The following ZNF564 variants were observed in gnomAD, a reference collection of about 807,000 sequenced individuals.
ZNF564 encodes the protein zinc finger protein 564.
ZNF564 carries 5 observed loss-of-function variants against 10.5 expected under a neutral mutation model. The ratio of observed to expected loss-of-function variants is 0.48; its 90% CI spans 0.25 to 1.00. The LOEUF is 1.00. ZNF564 is among the 50% of genes least tolerant of loss of function. ZNF564 has a pLI of 0.16. For missense variants in ZNF564, 603 were observed against 669.7 expected (o/e 0.90, Z 1.10); for synonymous variants, 242 against 218.1 (o/e 1.11, Z -0.97).
intron 1 of ZNF564, among the ~76,000 whole-genome samples, chr19:12,540,137 G>C (rs541668220): frequency 6.6e-6 from 1 of 152,232 alleles, no homozygotes; most frequent in African/African-American, 2.4e-5. Context: ...GAAAAGCAAG[G>C]AAATTATCTT....
intron 1 of ZNF564, among the ~76,000 whole-genome samples, chr19:12,542,201 C>G (rs924968481): frequency 1.4e-5 from 2 of 142,216 alleles, no homozygotes; most frequent in Non-Finnish European, 3.0e-5. Context: ...CCCAGCTACT[C>G]GGGAGGCTGA....
At chr19:12,537,813 T>A (rs1440050446) in intron 1 of ZNF564, among the ~76,000 whole-genome samples, 1 of 152,180 alleles carries the variant, frequency 6.6e-6, no homozygotes, top group Non-Finnish European at 1.5e-5. Flanking sequence ...AGTGACAATG[T>A]ATAAAAATAA....
At chr19:12,530,126 G>C (rs2021773235) in intron 1 of ZNF564, 1 of 152,322 alleles carries the variant, frequency 6.6e-6, no homozygotes, top group South Asian at 2.1e-4. Flanking sequence ...TGAGAGGCCA[G>C]AAGGCCCGTA....
chr19:12,551,150 T>A (rs2022250658), intron 1 of ZNF564, among the ~76,000 whole-genome samples, 180 bp downstream of exon 1: 2 of 152,076 alleles, frequency 1.3e-5, no homozygotes, highest in Non-Finnish European at 2.9e-5. Flanking sequence ...ACGCCTGGGG[T>A]ACTGGCTACG....
intron 1 of ZNF564, chr19:12,548,685 ATCCC>A: frequency 1.5e-6 from 1 of 654,208 alleles, no homozygotes; most frequent in South Asian, 1.7e-5. Flanking sequence ...ACATTTATCT[ATCCC>A]TTTCAGACAA....
chr19:12,528,559 G>A lies in ZNF564; in HGVS notation c.130+11C>T. Reference sequence around the variant, plus strand: ...CTAACTGACTAAAAGAAGGAATGATGTCATCCTTACCTACACAGGCCAGGT... The same window carrying A: ...CTAACTGACTAAAAGAAGGAATGATATCATCCTTACCTACACAGGCCAGGT... On this transcript the variant is annotated intron_variant, in intron 2 of 3. Coordinates refer to ENST00000339282, the MANE Select transcript of ZNF564 (RefSeq NM_144976.4). 1 of 1,610,732 alleles carries A rather than the reference G, an allele frequency of 6.2e-7. No homozygotes were observed. The highest frequency in any genetic ancestry group is 2.2e-5 in the East Asian group (1 of 44,856).
In ZNF564 at chr19:12,527,434, T is replaced by C. The variant is rs370155323; in HGVS notation, c.674A>G (p.Tyr225Cys). 1.1e-5 allele frequency: 17 copies of C among 1,614,022 alleles called. No individual in the cohort carries two copies. The highest frequency in any genetic ancestry group is 2.7e-5 in the African/African-American group (2 of 74,940). The change falls in exon 4 of 4, where the codon TAT (tyrosine) becomes TGT (cysteine). Residue 225 changes from tyrosine to cysteine, a missense_variant. By Grantham distance (194) the Tyr-to-Cys change is radical (BLOSUM62 -2). Transcript: ENST00000339282. Reference sequence around the variant, plus strand: ...AGCTTTTGCACATTCCTGACATTCATAGGGTTTCTCTCCAGTGTGAGTTCT... The same window carrying C: ...AGCTTTTGCACATTCCTGACATTCACAGGGTTTCTCTCCAGTGTGAGTTCT... ...HERTHTGEKPYECQECAKAFI... is the reference protein window; with the variant it reads ...HERTHTGEKPCECQECAKAFI...
chr19:12,529,554 T>C (rs754258376), intron 1 of ZNF564, among the ~76,000 whole-genome samples: 1 of 150,460 alleles, frequency 6.6e-6, no homozygotes. Flanking sequence ...TGCAGTGAGC[T>C]GAGATCATGC....
At chr19:12,531,282 T>C (rs1489811482) in intron 1 of ZNF564, among the ~76,000 whole-genome samples, 1 of 152,022 alleles carries the variant, frequency 6.6e-6, no homozygotes, top group East Asian at 1.9e-4. Flanking sequence ...GTGGCTCATG[T>C]CTGTAATCCC....
intron 1 of ZNF564, among the ~76,000 whole-genome samples, chr19:12,529,568 T>C (rs1413889113): frequency 6.6e-6 from 1 of 151,062 alleles, no homozygotes; most frequent in East Asian, 1.9e-4. Flanking sequence ...ATCATGCCAT[T>C]GCACTCCAGC....
In ZNF564 at chr19:12,526,837, T is replaced by G. The variant is rs1250853942; in HGVS notation, c.1271A>C (p.Gln424Pro). ...AGAAATGAAGGCTTTCCCACATACC[T>G]GACATTCATAGGGTTTCTCTCCAGT... ...THTGEKPYEC[Q>P]VCGKAFISLK... The change falls in exon 4 of 4, where the codon CAG (glutamine) becomes CCG (proline). Residue 424 changes from glutamine (Q) to proline (P), a missense_variant. Physicochemically the swap from Gln to Pro is moderately conservative, Grantham distance 76 (BLOSUM62 -1). Coordinates refer to ENST00000339282, the MANE Select transcript of ZNF564 (RefSeq NM_144976.4). 6.2e-7 allele frequency: 1 copy of G among 1,614,022 alleles called. No homozygotes were observed. The highest frequency in any genetic ancestry group is 8.5e-7 in the Non-Finnish European group (1 of 1,180,018).
chr19:12,536,780 C>T (rs2021924082), intron 1 of ZNF564, among the ~76,000 whole-genome samples: 1 of 152,128 alleles, frequency 6.6e-6, no homozygotes. Context: ...TGAGCCATCA[C>T]ATCCAGCCCT....
At chr19:12,536,087 T>G (rs948207319) in intron 1 of ZNF564, among the ~76,000 whole-genome samples, 22 of 152,148 alleles carry the variant, frequency 1.4e-4, no homozygotes, top group Admixed American at 2.6e-4. Context: ...TGATCAATTT[T>G]TCTGTAAACT....
Position 12,528,330 on chromosome 19 carries a change from C to T in ZNF564, c.165G>A (p.Trp55Ter). ...TTAAAATTCTCCCCTGATTTTTGTA[C>T]CAATCTTCAATGCTCTGGTCTTCCC... ...KKWEDQSIED[W>*]YKNQGRILRN... The change falls in exon 3 of 4, where the codon TGG (tryptophan) becomes TGA (stop). Residue 55 changes from tryptophan (W) to a stop codon, truncating the protein, a stop_gained. Coordinates refer to ENST00000339282, the MANE Select transcript of ZNF564 (RefSeq NM_144976.4). LOFTEE classifies it low-confidence loss of function (END_TRUNC). The T allele has an allele frequency of 6.2e-7, 1 of 1,610,902 alleles. No homozygotes were observed. Among genetic ancestry groups the T allele is most frequent in the Non-Finnish European group, 8.5e-7 (1 of 1,179,310 alleles).
intron 1 of ZNF564, chr19:12,529,982 C>G (rs2021768767): frequency 1.7e-5 from 2 of 119,956 alleles, no homozygotes; most frequent in South Asian, 5.2e-4. Flanking sequence ...AAAACTCTGT[C>G]TCAAAAAAAA....
intron 1 of ZNF564, among the ~76,000 whole-genome samples, chr19:12,546,693 T>C (rs563636463): frequency 6.6e-6 from 1 of 152,244 alleles, no homozygotes; most frequent in South Asian, 2.1e-4. Flanking sequence ...ATCGCGCCAC[T>C]GCACTCCAGC....
chr19:12,526,798 C>G lies in ZNF564; in HGVS notation c.1310G>C (p.Arg437Thr), dbSNP rs749554441. 1 of 1,613,888 alleles carries G rather than the reference C, an allele frequency of 6.2e-7. No homozygotes were observed. The highest frequency in any genetic ancestry group is 8.5e-7 in the Non-Finnish European group (1 of 1,179,944). The change falls in exon 4 of 4, where the codon AGA becomes ACA. Residue 437 changes from arginine (R) to threonine (T), a missense_variant. Transcript: ENST00000339282. ...TCCAGTGTGCAGTATCATATGTTTT[C>G]TAATCCTTTTAAGAGAAATGAAGGC... ...GKAFISLKRIRKHMILHTGDG... is the reference protein window; with the variant it reads ...GKAFISLKRITKHMILHTGDG...
At chr19:12,536,645 T>G (rs1369189778) in intron 1 of ZNF564, among the ~76,000 whole-genome samples, 4 of 152,104 alleles carry the variant, frequency 2.6e-5, no homozygotes, top group African/African-American at 9.7e-5. Flanking sequence ...TTGGTTACCA[T>G]CAGTACTGTC....
Position 12,549,073 on chromosome 19 carries a change from C to T in ZNF564, c.3+2257G>A, listed in dbSNP as rs188372496. 2.9e-5 allele frequency among the ~76,000 whole-genome samples: 4 copies of T among 136,894 alleles called. No individual in the cohort carries two copies. In the East Asian group the frequency reaches 7.8e-4, roughly 27 times the overall value. 89.8% of individuals were successfully genotyped at this position (136,894 alleles called of 152,430 possible). On this transcript the variant is annotated intron_variant, in intron 1 of 3. Coordinates refer to ENST00000339282, the MANE Select transcript of ZNF564 (RefSeq NM_144976.4). Reference sequence around the variant, plus strand: ...CCTGAGAAACCTACCATACATGTTGCGGAGAGGAAACTACACAAATAAGAT... The same window carrying T: ...CCTGAGAAACCTACCATACATGTTGTGGAGAGGAAACTACACAAATAAGAT...
Sources: gnomAD v4.1 joint callset for allele counts (sites outside exome capture counted in the v4.1 genomes callset) on GRCh38, gnomAD v4.1.1 for gene constraint, MANE v1.5 for transcripts, NCBI Gene and HGNC (gene_info 2026-07-23, HGNC 2026-07-21) for gene names.